The following PANX1 variants were observed in gnomAD, a reference collection of about 807,000 sequenced individuals.
PANX1 encodes the protein pannexin 1.
Under a neutral mutation model 38.7 loss-of-function variants are expected in PANX1, and 30 were observed. The observed-to-expected ratio is 0.78, with a 90% CI of 0.58 to 1.05. PANX1 has a LOEUF of 1.05. PANX1 is among the 50% of genes least tolerant of loss of function. The pLI, the probability that PANX1 is intolerant of heterozygous loss-of-function variation, is 0.00. For synonymous variants in PANX1, 230 were observed against 212.2 expected (o/e 1.08, Z -0.73); for missense variants, 551 against 517.2 (o/e 1.07, Z -0.63).
At chr11:94,171,572 C>G (rs1947167614) in intron 2 of PANX1, among the ~76,000 whole-genome samples, 1 of 151,540 alleles carries the variant, frequency 6.6e-6, no homozygotes, top group Non-Finnish European at 1.5e-5. Flanking sequence ...CCAGGAGCAT[C>G]CTGACAAAGG....
intron 2 of PANX1, among the ~76,000 whole-genome samples, chr11:94,164,609 GTCTA>G (rs1947082420): frequency 1.3e-5 from 2 of 152,284 alleles, no homozygotes; most frequent in Admixed American, 6.5e-5. Context: ...CTAACATGTG[GTCTA>G]TCTGTGAGAA....
rs191873940 is a variant in PANX1 at position 94,150,127 on chromosome 11, G to A, written c.182-3364G>A. Among the ~76,000 whole-genome samples the A allele has an allele frequency of 3.2e-3, 490 of 152,336 alleles. 4 individuals carry two copies. Among genetic ancestry groups the A allele is most frequent in the African/African-American group, 0.011 (454 of 41,578 alleles). ...AAGATGAGCCATTGAGGAAGATGGTGTGTATGGGGCATTGACTTAACAAGC... is the reference window on the plus strand; with the variant it reads ...AAGATGAGCCATTGAGGAAGATGGTATGTATGGGGCATTGACTTAACAAGC... On this transcript the variant is annotated intron_variant, in intron 1 of 4. Coordinates refer to ENST00000227638, the MANE Select transcript of PANX1 (RefSeq NM_015368.4).
intron 1 of PANX1, among the ~76,000 whole-genome samples, chr11:94,136,490 A>G (rs969521615): frequency 6.6e-6 from 1 of 152,218 alleles, no homozygotes; most frequent in Non-Finnish European, 1.5e-5. Context: ...TTAAAACTTG[A>G]TACATATCGG....
At chr11:94,157,196 A>C (rs979072359) in intron 2 of PANX1, among the ~76,000 whole-genome samples, 2 of 152,102 alleles carry the variant, frequency 1.3e-5, no homozygotes, top group African/African-American at 4.8e-5. Flanking sequence ...ATACATGTAC[A>C]TGTGTCTTTA....
chr11:94,152,548 T>TTGAATGTGCCAGGTGGGGACAGG (rs1362967643), intron 1 of PANX1, among the ~76,000 whole-genome samples: 2 of 151,984 alleles, frequency 1.3e-5, no homozygotes, highest in Non-Finnish European at 2.9e-5. Context: ...ACACACACCT[T>TTGAATGTGCCAGGTGGGGACAGG]TGAATGTGCC....
chr11:94,135,040 G>A (rs1946672302), intron 1 of PANX1, among the ~76,000 whole-genome samples: 1 of 152,192 alleles, frequency 6.6e-6, no homozygotes, highest in South Asian at 2.1e-4. Context: ...GGCGTCAGGG[G>A]CTGCTTTGAT....
Position 94,153,557 on chromosome 11 carries a change from A to T in PANX1, c.248A>T (p.Tyr83Phe). ...SWRQAAFVDS[Y>F]CWAAVQQKNS... ...CGTCAGGCTGCCTTTGTGGATTCAT[A>T]TTGCTGGGCGGCTGTTCAGCAGAAG... is the stretch of plus-strand genomic sequence containing the variant. Residue 83 changes from tyrosine (Y) to phenylalanine (F), a missense_variant, in exon 2 of 5, where the codon TAT becomes TTT. Tyr to Phe is a conservative substitution (Grantham distance 22, BLOSUM62 3). Transcript: ENST00000227638. The T allele has an allele frequency of 1.2e-6, 2 of 1,614,048 alleles. No individual in the cohort carries two copies. The highest frequency in any genetic ancestry group is 2.2e-5 in the South Asian group (2 of 91,070).
Position 94,181,310 on chromosome 11 carries a change from G to T in PANX1, c.*441G>T. The T allele has an allele frequency of 6.2e-6, 1 of 160,378 alleles. No individual in the cohort carries two copies. Among genetic ancestry groups the T allele is most frequent in the Non-Finnish European group, 1.4e-5 (1 of 72,674 alleles). 9.9% of individuals were successfully genotyped at this position (160,378 alleles called of 1,614,324 possible). On this transcript the variant is annotated 3_prime_UTR_variant, in exon 5 of 5. Transcript: ENST00000227638. ...GTATAATTTAACGTGAGTTTCTTAT[G>T]TGCCCTTAAAGACTGTTAGACAAGA...
In PANX1 at chr11:94,181,705, T is replaced by C. The variant is rs1263401305; in HGVS notation, c.*836T>C. ...ATCAAAGGCATTTGAAATAGGATTTTACTTAAACAATAATGGAACACAGGA... is the reference window on the plus strand; with the variant it reads ...ATCAAAGGCATTTGAAATAGGATTTCACTTAAACAATAATGGAACACAGGA... On this transcript the variant is annotated 3_prime_UTR_variant, in exon 5 of 5. Coordinates refer to ENST00000227638, the MANE Select transcript of PANX1 (RefSeq NM_015368.4). 1 of 152,228 alleles carries C rather than the reference T, an allele frequency of 6.6e-6. No homozygotes were observed. Among genetic ancestry groups the C allele is most frequent in the East Asian group, 1.9e-4 (1 of 5,204 alleles). The allele number at this position is 152,228 out of a possible 1,614,324, so 9.4% of individuals were successfully genotyped here.
chr11:94,171,654 C>T (rs1167658640), intron 2 of PANX1, among the ~76,000 whole-genome samples: 2 of 151,590 alleles, frequency 1.3e-5, no homozygotes, highest in Non-Finnish European at 2.9e-5. Context: ...TAGGAGAGCT[C>T]AGTTACCCCA....
intron 2 of PANX1, among the ~76,000 whole-genome samples, chr11:94,175,405 A>T (rs573209281): frequency 8.6e-4 from 130 of 151,894 alleles, no homozygotes; most frequent in Middle Eastern, 3.4e-3. Flanking sequence ...AATTACAATG[A>T]GCTGTGCTGA....
At chr11:94,160,756 G>T (rs570333481) in intron 2 of PANX1, among the ~76,000 whole-genome samples, 8 of 152,292 alleles carry the variant, frequency 5.3e-5, no homozygotes, top group African/African-American at 1.7e-4. Context: ...GTGTGAATGT[G>T]ATCCTGTCAT....
chr11:94,157,530 GTCT>G (rs1266242024), intron 2 of PANX1, among the ~76,000 whole-genome samples: 1 of 152,140 alleles, frequency 6.6e-6, no homozygotes, highest in Non-Finnish European at 1.5e-5. Flanking sequence ...CTGCATAAAT[GTCT>G]TCTTTTGAGA....
At position 94,129,010 on chromosome 11, in the gene PANX1, C is replaced by G. The variant is rs1393065916; in HGVS notation, c.-303C>G. 4.2e-6 allele frequency: 1 copy of G among 238,852 alleles called. No homozygotes were observed. The highest frequency in any genetic ancestry group is 8.0e-6 in the Non-Finnish European group (1 of 124,744). 14.8% of individuals were successfully genotyped at this position (238,852 alleles called of 1,614,324 possible). A position where few individuals can be genotyped will look rare whatever the true frequency, so the allele number is the denominator to read the frequency against. ...CGCCTGGGGGTGCGCGGGAGAGGCG[C>G]GAATCCGAGTGCCGCGCGCGGCCCG... On this transcript the variant is annotated 5_prime_UTR_variant, in exon 1 of 5. Coordinates refer to ENST00000227638, the MANE Select transcript of PANX1 (RefSeq NM_015368.4).
At chr11:94,135,234 G>A (rs572943982) in intron 1 of PANX1, among the ~76,000 whole-genome samples, 87 of 152,362 alleles carry the variant, frequency 5.7e-4, no homozygotes, top group African/African-American at 2.0e-3. Flanking sequence ...GGCAGCCACC[G>A]TTCTGGGTAG....
intron 2 of PANX1, among the ~76,000 whole-genome samples, chr11:94,157,596 C>A (rs1040350654): frequency 2.0e-5 from 3 of 151,958 alleles, no homozygotes; most frequent in African/African-American, 7.2e-5. Flanking sequence ...TTGTTTTTTT[C>A]TTGTAAATTT....
chr11:94,170,214 A>G (rs1219974794), intron 2 of PANX1, among the ~76,000 whole-genome samples: 1 of 151,226 alleles, frequency 6.6e-6, no homozygotes, highest in African/African-American at 2.5e-5. Flanking sequence ...GTAATTTTCC[A>G]TTTCCCCATC....
rs781194585 is a variant in PANX1, at chr11:94,179,796, G to C, written c.740G>C (p.Ser247Thr). ...LSSLSDEFVC[S>T]IKSGILRNDS... is the part of the protein sequence containing the mutation. ...TCACTCTCAGACGAGTTTGTGTGCAGCATCAAATCAGGGATCCTGAGAAAC... is the reference window on the plus strand; with the variant it reads ...TCACTCTCAGACGAGTTTGTGTGCACCATCAAATCAGGGATCCTGAGAAAC... The change falls in exon 4 of 5, where the codon AGC (serine) becomes ACC (threonine). Residue 247 changes from serine to threonine, a missense_variant. By Grantham distance (58) the Ser-to-Thr change is moderately conservative. Coordinates refer to ENST00000227638, the MANE Select transcript of PANX1 (RefSeq NM_015368.4). The C allele has an allele frequency of 5.0e-6, 8 of 1,613,998 alleles. No homozygotes were observed. In the East Asian group the frequency reaches 1.6e-4, roughly 31 times the overall value.
chr11:94,130,779 G>GT (rs1193118948), intron 1 of PANX1, among the ~76,000 whole-genome samples: 1 of 152,178 alleles, frequency 6.6e-6, no homozygotes, highest in Non-Finnish European at 1.5e-5. Flanking sequence ...TGCGGAGGTT[G>GT]TATGTCTGGG....
Sources: gnomAD v4.1 joint callset for allele counts (sites outside exome capture counted in the v4.1 genomes callset) on GRCh38, gnomAD v4.1.1 for gene constraint, MANE v1.5 for transcripts, NCBI Gene and HGNC (gene_info 2026-07-23, HGNC 2026-07-21) for gene names.